The following MAP2K6 variants were observed in gnomAD, a reference collection of about 807,000 sequenced individuals.
MAP2K6 encodes mitogen-activated protein kinase kinase 6.
A neutral mutation model predicts 53.7 loss-of-function variants in MAP2K6; 16 were observed. The ratio of observed to expected loss-of-function variants is 0.30; its 90% CI spans 0.20 to 0.45. MAP2K6 has a LOEUF of 0.45. MAP2K6 is among the 20% of genes least tolerant of loss of function. The pLI, the probability that MAP2K6 is intolerant of heterozygous loss-of-function variation, is 1.00. For synonymous variants in MAP2K6, 132 were observed against 143.1 expected, an observed-to-expected ratio of 0.92 and a Z score of 0.55; for missense variants, 204 against 411.9, an observed-to-expected ratio of 0.50 and a Z score of 4.37.
chr17:69,472,136 A>G (rs1458019652), intron 1 of MAP2K6, among the ~76,000 whole-genome samples: 1 of 152,134 alleles, frequency 6.6e-6, no homozygotes, highest in Non-Finnish European at 1.5e-5. Flanking sequence ...GTTTTTAAAG[A>G]GCCAAACATA....
Position 69,461,841 on chromosome 17 carries a change from C to T in MAP2K6, c.17-43939C>T, listed in dbSNP as rs190591637. Among the ~76,000 whole-genome samples, 8 of 152,244 alleles carry T rather than the reference C, an allele frequency of 5.3e-5. No individual in the cohort carries two copies. In the South Asian group the frequency reaches 8.3e-4, roughly 16 times the overall value. On this transcript the variant is annotated intron_variant, in intron 1 of 11. Coordinates refer to ENST00000590474, the MANE Select transcript of MAP2K6 (RefSeq NM_002758.4). The stretch of plus-strand genomic sequence containing the variant: ...CAGGCCAGCAAGATTCCATTTTAAT[C>T]GTCAATCACACATTACCAAATAAAA...
chr17:69,538,319 A>T (rs1380401475), intron 11 of MAP2K6, among the ~76,000 whole-genome samples: 1 of 152,280 alleles, frequency 6.6e-6, no homozygotes, highest in African/African-American at 2.4e-5. Flanking sequence ...TGGGCAGCTG[A>T]TGTCAAATTC....
In MAP2K6 at chr17:69,414,963, C is replaced by A. The variant is rs763067362; in HGVS notation, c.-22C>A. On this transcript the variant is annotated 5_prime_UTR_variant, in exon 1 of 12. Coordinates refer to ENST00000590474, the MANE Select transcript of MAP2K6 (RefSeq NM_002758.4). ...AGGCAAAGTCTTTTGTGCTCCCCTC[C>A]CCCATCAAAGGAAAGGGGAAAATGT... The A allele has an allele frequency of 1.4e-5, 21 of 1,547,128 alleles. No individual in the cohort carries two copies. In the South Asian group the frequency reaches 2.2e-4, roughly 16 times the overall value.
intron 1 of MAP2K6, among the ~76,000 whole-genome samples, chr17:69,439,555 C>A (rs906701033): frequency 3.9e-5 from 6 of 152,138 alleles, no homozygotes; most frequent in African/African-American, 1.4e-4. Context: ...GGTCAAATTG[C>A]TTTTCTAGGT....
chr17:69,536,541 C>G (rs1911370585), intron 11 of MAP2K6, among the ~76,000 whole-genome samples: 1 of 152,130 alleles, frequency 6.6e-6, no homozygotes, highest in South Asian at 2.1e-4. Context: ...TTTGACTGAT[C>G]AATTTTTGAT....
chr17:69,527,951 A>T (rs903267145), intron 10 of MAP2K6, among the ~76,000 whole-genome samples: 6 of 151,798 alleles, frequency 4.0e-5, no homozygotes, highest in Admixed American at 6.6e-5. Context: ...ACCTGACTCT[A>T]CTAAAAATAC....
chr17:69,447,121 G>A (rs1906994259), intron 1 of MAP2K6, among the ~76,000 whole-genome samples: 1 of 151,824 alleles, frequency 6.6e-6, no homozygotes. Context: ...GGGATTACAG[G>A]CATGCGTCAC....
In MAP2K6 at chr17:69,551,506, T is replaced by C. The variant is rs1912098951; in HGVS notation, c.*9753T>C. On this transcript the variant is annotated 3_prime_UTR_variant, in exon 12 of 12. Coordinates refer to ENST00000590474, the MANE Select transcript of MAP2K6 (RefSeq NM_002758.4). ...TTGCCACTAGAGCAAATTTAATAGC[T>C]GGGGTTTCACAGCAACTGTTTTAGA... 1 of 152,234 alleles carries C rather than the reference T, an allele frequency of 6.6e-6. No homozygotes were observed. Among genetic ancestry groups the C allele is most frequent in the Non-Finnish European group, 1.5e-5 (1 of 68,042 alleles). The allele number at this position is 152,234 out of a possible 1,614,324, so 9.4% of individuals were successfully genotyped here.
rs1052368137 is a variant in MAP2K6, at chr17:69,523,521, G to A, written c.543G>A (p.Lys181=). The A allele has an allele frequency of 3.7e-6, 6 of 1,613,660 alleles. No individual in the cohort carries two copies. The East Asian group carries it at 1.3e-4, about 36-fold the overall frequency. The change falls in exon 8 of 12, where the codon AAG becomes AAA. Residue 181 remains lysine (K), a synonymous_variant. Coordinates refer to ENST00000590474, the MANE Select transcript of MAP2K6 (RefSeq NM_002758.4). The stretch of plus-strand genomic sequence containing the variant: ...GGTTGTTTTCGCTTTCAGACGTCAA[G>A]CCTTCTAATGTACTCATCAATGCTC... ...SKLSVIHRDV[K]PSNVLINALG...
chr17:69,517,190 A>G (rs948302125), intron 3 of MAP2K6, among the ~76,000 whole-genome samples: 6 of 151,766 alleles, frequency 4.0e-5, no homozygotes, highest in South Asian at 4.2e-4. Flanking sequence ...ATAGTGGGTT[A>G]CAGACACAAT....
intron 4 of MAP2K6, among the ~76,000 whole-genome samples, chr17:69,518,198 T>TAA (rs1567851050): frequency 1.5e-4 from 23 of 149,574 alleles, no homozygotes; most frequent in Non-Finnish European, 3.1e-4. Flanking sequence ...TCAAATAATA[T>TAA]TAATAATAAT....
chr17:69,428,704 G>C (rs1906348907), intron 1 of MAP2K6, among the ~76,000 whole-genome samples: 1 of 152,142 alleles, frequency 6.6e-6, no homozygotes, highest in African/African-American at 2.4e-5. Flanking sequence ...GCATAACTCA[G>C]CCTGGGAAGA....
At chr17:69,525,959 C>T (rs1241536724) in intron 9 of MAP2K6, among the ~76,000 whole-genome samples, 1 of 152,144 alleles carries the variant, frequency 6.6e-6, no homozygotes, top group Non-Finnish European at 1.5e-5. Context: ...GGTGGTCATA[C>T]ATTTTCAGTG....
intron 1 of MAP2K6, among the ~76,000 whole-genome samples, chr17:69,467,159 A>G (rs1210628708): frequency 1.3e-5 from 2 of 152,226 alleles, no homozygotes; most frequent in Non-Finnish European, 2.9e-5. Flanking sequence ...TTATTTCTTC[A>G]TACCTGCATC....
intron 1 of MAP2K6, among the ~76,000 whole-genome samples, chr17:69,495,815 A>G (rs1908925832): frequency 6.6e-6 from 1 of 152,150 alleles, no homozygotes; most frequent in Admixed American, 6.5e-5. Flanking sequence ...ATTTCTTTGC[A>G]ACCCATTGCC....
At chr17:69,471,314 A>C (rs779101513) in intron 1 of MAP2K6, among the ~76,000 whole-genome samples, 3 of 152,192 alleles carry the variant, frequency 2.0e-5, no homozygotes, top group Non-Finnish European at 4.4e-5. Context: ...TGTGGTGTAT[A>C]TATATGCCAT....
At position 69,553,325 on chromosome 17, in the gene MAP2K6, A is replaced by T. The variant is rs1489891735; in HGVS notation, c.*11572A>T. The T allele has an allele frequency of 1.3e-5, 2 of 152,224 alleles. No individual in the cohort carries two copies. The highest frequency in any genetic ancestry group is 1.3e-4 in the Admixed American group (2 of 15,284). 9.4% of individuals were successfully genotyped at this position (152,224 alleles called of 1,614,324 possible). ...TTAAAAAGTAGGTTTCTGATGTGCC[A>T]TGAAATATTTCTGTGAATCTGTGTT... On this transcript the variant is annotated 3_prime_UTR_variant, in exon 12 of 12. Transcript: ENST00000590474.
chr17:69,429,420 G>C (rs1906384350), intron 1 of MAP2K6, among the ~76,000 whole-genome samples: 1 of 151,998 alleles, frequency 6.6e-6, no homozygotes, highest in Non-Finnish European at 1.5e-5. Flanking sequence ...TCCAGCCTGG[G>C]CAACAGGGTA....
intron 2 of MAP2K6, among the ~76,000 whole-genome samples, chr17:69,511,463 G>A (rs140148713): frequency 2.6e-5 from 4 of 152,278 alleles, no homozygotes; most frequent in East Asian, 1.9e-4. Context: ...CGAGTTCAAC[G>A]TGTGTGGCCC....
Sources: gnomAD v4.1 joint callset for allele counts (sites outside exome capture counted in the v4.1 genomes callset) on GRCh38, gnomAD v4.1.1 for gene constraint, MANE v1.5 for transcripts, NCBI Gene and HGNC (gene_info 2026-07-23, HGNC 2026-07-21) for gene names.